Variants in PDE4D observed in about 807,000 individuals in gnomAD.
PDE4D encodes the protein 3',5'-cyclic-AMP phosphodiesterase 4D.
A neutral mutation model predicts 87.4 loss-of-function variants in PDE4D; 24 were observed. The observed-to-expected ratio is 0.27, with a 90% CI of 0.20 to 0.39. The LOEUF is 0.39. PDE4D is among the 10% of genes least tolerant of loss of function. The pLI, the probability that PDE4D is intolerant of heterozygous loss-of-function variation, is 1.00. For missense variants in PDE4D, 714 were observed against 1,041.0 expected (o/e 0.69, Z 4.32); for synonymous variants, 384 against 383.2 (o/e 1.00, Z -0.02).
At chr5:59,806,844 C>G (rs73758891) in intron 1 of PDE4D, among the ~76,000 whole-genome samples, 1 of 152,082 alleles carries the variant, frequency 6.6e-6, no homozygotes, top group African/African-American at 2.4e-5. Context: ...CATTACACAA[C>G]GTGTACATAT....
At chr5:60,036,156 T>C (rs1435247803) in intron 2 of PDE4D, among the ~76,000 whole-genome samples, 3 of 152,216 alleles carry the variant, frequency 2.0e-5, no homozygotes, top group South Asian at 2.1e-4. Context: ...GTGAACCTGA[T>C]AGATTTTACT....
chr5:60,394,328 G>A (rs531794390), intron 1 of PDE4D, among the ~76,000 whole-genome samples: 1 of 152,302 alleles, frequency 6.6e-6, no homozygotes, highest in African/African-American at 2.4e-5. Context: ...TTAAATTATA[G>A]TGGCAGCTCT....
chr5:59,508,669 A>C (rs765949448), intron 1 of PDE4D, among the ~76,000 whole-genome samples: 1 of 152,054 alleles, frequency 6.6e-6, no homozygotes, highest in Non-Finnish European at 1.5e-5. Context: ...AAAAAAAAAT[A>C]TTTAAGCTGT....
chr5:60,041,998 A>T (rs541109225), intron 2 of PDE4D, among the ~76,000 whole-genome samples: 32 of 152,086 alleles, frequency 2.1e-4, no homozygotes, highest in Admixed American at 7.9e-4. Context: ...CCAAGGAGCC[A>T]AGTGGTCTAG....
intron 2 of PDE4D, among the ~76,000 whole-genome samples, chr5:60,140,412 G>A (rs971265701): frequency 6.6e-6 from 1 of 152,002 alleles, no homozygotes; most frequent in African/African-American, 2.4e-5. Context: ...GGGTAAAAGT[G>A]AAGCCAGGAG....
intron 2 of PDE4D, among the ~76,000 whole-genome samples, chr5:60,149,138 G>T (rs1781274226): frequency 6.6e-6 from 1 of 152,072 alleles, no homozygotes; most frequent in South Asian, 2.1e-4. Context: ...TTTTCATTTT[G>T]AAATCCAGAC....
chr5:60,277,252 A>T (rs547549206), intron 1 of PDE4D, among the ~76,000 whole-genome samples: 44 of 152,234 alleles, frequency 2.9e-4, no homozygotes, highest in African/African-American at 9.9e-4. Context: ...TAGTCAACAT[A>T]ATACTGAAAG....
chr5:60,439,646 C>T (rs992571538), intron 1 of PDE4D, among the ~76,000 whole-genome samples: 11 of 152,014 alleles, frequency 7.2e-5, no homozygotes, highest in African/African-American at 2.7e-4. Context: ...TATCAAATTG[C>T]TTTCTTTCTT....
chr5:60,042,576 G>A (rs917205648), intron 2 of PDE4D, among the ~76,000 whole-genome samples: 6 of 152,154 alleles, frequency 3.9e-5, no homozygotes, highest in Admixed American at 1.3e-4. Flanking sequence ...GTGCCCCTCT[G>A]GGAAAAACCT....
rs189731490 is a variant in PDE4D, at chr5:60,440,988, A to G, written c.-90+46954T>C. On this transcript the variant is annotated intron_variant, in intron 1 of 16. Coordinates refer to the PDE4D transcript ENST00000502484. Reference sequence around the variant, plus strand: ...CATTATCACATAGAAATCAAGATTCATTGAAGATCTTTGAGCAAGAATGTG... The same window carrying G: ...CATTATCACATAGAAATCAAGATTCGTTGAAGATCTTTGAGCAAGAATGTG... Among the ~76,000 whole-genome samples, 223 of 152,244 alleles carry G rather than the reference A, an allele frequency of 1.5e-3. 4 individuals are homozygous for G. The highest frequency in any genetic ancestry group is 1.8e-4 in the Non-Finnish European group (12 of 67,982).
intron 5 of PDE4D, among the ~76,000 whole-genome samples, chr5:59,072,102 A>G (rs1266337696): frequency 1.3e-5 from 2 of 152,200 alleles, no homozygotes; most frequent in Non-Finnish European, 1.5e-5. Flanking sequence ...CTAGAGTACT[A>G]AAAATCAGAT....
At chr5:60,494,560 T>G (rs929876640) in intron 1 of PDE4D, among the ~76,000 whole-genome samples, 2 of 152,180 alleles carry the variant, frequency 1.3e-5, no homozygotes, top group African/African-American at 4.8e-5. Context: ...CCTTTCCTCC[T>G]CACTTCTACC....
chr5:59,537,585 T>C (rs896850767), intron 1 of PDE4D, among the ~76,000 whole-genome samples: 1 of 152,174 alleles, frequency 6.6e-6, no homozygotes, highest in Non-Finnish European at 1.5e-5. Flanking sequence ...GTAAAATAAC[T>C]TCAGAAGCTT....
At chr5:59,929,375 TA>T (rs1044702237) in intron 3 of PDE4D, among the ~76,000 whole-genome samples, 1 of 152,122 alleles carries the variant, frequency 6.6e-6, no homozygotes, top group Non-Finnish European at 1.5e-5. Context: ...CCCACTTTTT[TA>T]AAAAAACCAA....
At chr5:60,430,413 G>A (rs1477023740) in intron 1 of PDE4D, 1 of 327,572 alleles carries the variant, frequency 3.1e-6, no homozygotes, top group South Asian at 2.6e-5. Flanking sequence ...TTTCCCTGAG[G>A]GCCTCGACCC....
intron 1 of PDE4D, among the ~76,000 whole-genome samples, chr5:59,854,012 T>C (rs1382485950): frequency 2.6e-5 from 4 of 152,070 alleles, no homozygotes; most frequent in African/African-American, 9.7e-5. Flanking sequence ...AGTTTTAGAT[T>C]AATTCCTTAG....
intron 1 of PDE4D, among the ~76,000 whole-genome samples, chr5:59,687,822 C>G (rs1750163696): frequency 6.6e-6 from 1 of 151,970 alleles, no homozygotes; most frequent in South Asian, 2.1e-4. Flanking sequence ...TTCAGGAGAC[C>G]CATCTCACGT....
chr5:60,520,750 G>A (rs534057403), intron 1 of PDE4D, among the ~76,000 whole-genome samples: 13 of 152,310 alleles, frequency 8.5e-5, no homozygotes, highest in South Asian at 4.1e-4. Context: ...GCTGGCCCAC[G>A]GCCCTGGCCC....
chr5:60,098,311 C>A (rs1443086803), intron 2 of PDE4D, among the ~76,000 whole-genome samples: 1 of 151,836 alleles, frequency 6.6e-6, no homozygotes, highest in Non-Finnish European at 1.5e-5. Flanking sequence ...GTACCCAACA[C>A]ATTTTTATAT....
Sources: allele counts gnomAD v4.1 joint callset (sites outside exome capture counted in the v4.1 genomes callset), GRCh38; gene constraint gnomAD v4.1.1; transcripts MANE v1.5; gene names NCBI Gene and HGNC (gene_info 2026-07-23, HGNC 2026-07-21).